Variants in SMIM36 observed in about 807,000 individuals in gnomAD.
The protein encoded by SMIM36 is small integral membrane protein 36.
chr17:55,471,958 A>G (rs1453502401), intron 3 of SMIM36, among the ~76,000 whole-genome samples: 3 of 152,128 alleles, frequency 2.0e-5, no homozygotes, highest in Admixed American at 1.3e-4. Context: ...TCAAGCATTA[A>G]TATCCTCATC....
the SMIM36 span, among the ~76,000 whole-genome samples, chr17:55,521,484 C>T: frequency 6.6e-6 from 1 of 152,152 alleles, no homozygotes; most frequent in Admixed American, 6.5e-5. Flanking sequence ...AATATCATAC[C>T]ATCTGGAGGC....
intron 1 of SMIM36, among the ~76,000 whole-genome samples, chr17:55,479,808 T>A (rs904192658): frequency 4.6e-5 from 7 of 152,188 alleles, no homozygotes; most frequent in Non-Finnish European, 8.8e-5. Flanking sequence ...ATTGAGGTGA[T>A]ATGAGCAAAA....
the SMIM36 span, among the ~76,000 whole-genome samples, chr17:55,529,267 C>A: frequency 2.0e-5 from 3 of 152,138 alleles, no homozygotes; most frequent in African/African-American, 7.2e-5. Context: ...GTTTGTTTTA[C>A]AAATAAGCAG....
intron 1 of SMIM36, among the ~76,000 whole-genome samples, chr17:55,501,400 AT>A (rs1343631856): frequency 1.3e-4 from 2 of 15,926 alleles, no homozygotes; most frequent in Non-Finnish European, 2.1e-4. Flanking sequence ...TATATTATAT[AT>A]TATTATATAT....
the SMIM36 span, among the ~76,000 whole-genome samples, chr17:55,525,406 C>A: frequency 6.6e-6 from 1 of 152,260 alleles, no homozygotes; most frequent in East Asian, 1.9e-4. Flanking sequence ...AAGTCCAAAT[C>A]CTACCTCCCC....
chr17:55,467,666 G>A (rs1909265420), intron 3 of SMIM36, among the ~76,000 whole-genome samples: 1 of 152,158 alleles, frequency 6.6e-6, no homozygotes, highest in Non-Finnish European at 1.5e-5. Flanking sequence ...AAAGTGCAGG[G>A]ATTGCAGGCG....
At chr17:55,468,756 C>A (rs1000151324) in intron 3 of SMIM36, among the ~76,000 whole-genome samples, 2 of 152,294 alleles carry the variant, frequency 1.3e-5, no homozygotes, top group Admixed American at 6.5e-5. Context: ...CCTTCTTCTC[C>A]CTTAGCCTGT....
chr17:55,472,835 C>T (rs1218922587), intron 3 of SMIM36, among the ~76,000 whole-genome samples: 3 of 148,270 alleles, frequency 2.0e-5, no homozygotes, highest in Non-Finnish European at 3.0e-5. Flanking sequence ...CCACTGTACT[C>T]CAGCCTGGGA....
chr17:55,459,197 G>C (rs546018992), intron 4 of SMIM36, among the ~76,000 whole-genome samples: 117 of 152,318 alleles, frequency 7.7e-4, no homozygotes, highest in Non-Finnish European at 1.2e-3. Flanking sequence ...CGCCCTGAGA[G>C]GGGGATTCCC....
At chr17:55,464,427 T>C (rs1298511595) in intron 4 of SMIM36, among the ~76,000 whole-genome samples, 1 of 152,092 alleles carries the variant, frequency 6.6e-6, no homozygotes. Flanking sequence ...TTAATTCCAC[T>C]TGTAGGATGT....
intron 1 of SMIM36, among the ~76,000 whole-genome samples, chr17:55,481,307 A>C (rs1909516886): frequency 1.3e-5 from 2 of 152,222 alleles, no homozygotes; most frequent in Admixed American, 1.3e-4. Context: ...TTCAGCAAAC[A>C]GACAGAACAA....
chr17:55,530,167 G>A, the SMIM36 span, among the ~76,000 whole-genome samples: 19 of 152,202 alleles, frequency 1.2e-4, no homozygotes, highest in Non-Finnish European at 2.4e-4. Context: ...TTGGCAAAAG[G>A]TCATTTGGAA....
upstream of SMIM36, among the ~76,000 whole-genome samples, chr17:55,514,645 A>T (rs1048620141): frequency 6.6e-6 from 1 of 152,190 alleles, no homozygotes; most frequent in African/African-American, 2.4e-5. Flanking sequence ...TTCAAGACCC[A>T]TTGGGCAGGT....
chr17:55,511,694 T>C (rs571731919), upstream of SMIM36, among the ~76,000 whole-genome samples: 13 of 152,304 alleles, frequency 8.5e-5, no homozygotes, highest in African/African-American at 3.1e-4. Flanking sequence ...TAAGTGTTGT[T>C]AATAAGCACT....
chr17:55,495,716 C>T (rs1909796363), intron 1 of SMIM36, among the ~76,000 whole-genome samples: 2 of 151,778 alleles, frequency 1.3e-5, no homozygotes, highest in Admixed American at 6.6e-5. Flanking sequence ...GTCACTTGAC[C>T]CCAGAAGTTC....
chr17:55,521,063 C>T, the SMIM36 span, among the ~76,000 whole-genome samples: 1 of 151,998 alleles, frequency 6.6e-6, no homozygotes, highest in Non-Finnish European at 1.5e-5. Flanking sequence ...GTGGAGGCTG[C>T]AGTGAGCTGA....
intron 4 of SMIM36, among the ~76,000 whole-genome samples, chr17:55,466,084 C>T (rs1440200708): frequency 2.0e-5 from 3 of 151,866 alleles, no homozygotes; most frequent in Non-Finnish European, 4.4e-5. Context: ...TTAAGACCAG[C>T]CTGACCAACA....
chr17:55,497,031 G>A (rs1909820867), intron 1 of SMIM36, among the ~76,000 whole-genome samples: 1 of 152,172 alleles, frequency 6.6e-6, no homozygotes, highest in Non-Finnish European at 1.5e-5. Flanking sequence ...GGTATCGGAA[G>A]AGACTTGGAT....
intron 1 of SMIM36, among the ~76,000 whole-genome samples, chr17:55,496,183 C>T (rs1909804364): frequency 6.6e-6 from 1 of 152,200 alleles, no homozygotes; most frequent in Admixed American, 6.5e-5. Flanking sequence ...CAAACCCTCC[C>T]TTGGAGCGGC....
Sources: allele counts gnomAD v4.1 joint callset (sites outside exome capture counted in the v4.1 genomes callset), GRCh38; gene constraint gnomAD v4.1.1; transcripts MANE v1.5; gene names NCBI Gene and HGNC (gene_info 2026-07-23, HGNC 2026-07-21).